GUCY1A2: variants seen among roughly 807,000 people sequenced by gnomAD.
GUCY1A2 encodes guanylate cyclase soluble subunit alpha-2.
GUCY1A2 carries 27 observed loss-of-function variants against 63.5 expected under a neutral mutation model. The observed-to-expected ratio is 0.43, with a 90% confidence interval of 0.31 to 0.59. The LOEUF (loss-of-function observed/expected upper bound fraction) is 0.59, where lower values mean the gene tolerates loss of function less well. GUCY1A2 is among the 20% of genes least tolerant of loss of function. The pLI, the probability that GUCY1A2 is intolerant of heterozygous loss-of-function variation, is 0.11. For missense variants in GUCY1A2, 768 were observed against 913.3 expected (o/e 0.84, Z 2.05); for synonymous variants, 364 against 343.5 (o/e 1.06, Z -0.66).
intron 4 of GUCY1A2, among the ~76,000 whole-genome samples, chr11:106,836,784 T>C (rs1312428179): frequency 6.6e-6 from 1 of 151,954 alleles, no homozygotes; most frequent in Admixed American, 6.6e-5. Context: ...ATGAAATTAT[T>C]GCAATAGTAC....
intron 3 of GUCY1A2, among the ~76,000 whole-genome samples, chr11:106,978,094 T>TG (rs1362830820): frequency 1.3e-5 from 2 of 152,230 alleles, no homozygotes; most frequent in African/African-American, 4.8e-5. Context: ...ACAGCCCCTC[T>TG]GTCATAAGTA....
intron 6 of GUCY1A2, among the ~76,000 whole-genome samples, chr11:106,738,003 G>C (rs1157654735): frequency 6.6e-6 from 1 of 152,148 alleles, no homozygotes; most frequent in Non-Finnish European, 1.5e-5. Context: ...CTAATTTACA[G>C]TCCCACCAAC....
intron 4 of GUCY1A2, among the ~76,000 whole-genome samples, chr11:106,885,279 C>T (rs1859882903): frequency 1.3e-5 from 2 of 152,128 alleles, no homozygotes; most frequent in Non-Finnish European, 2.9e-5. Flanking sequence ...TTGTAGACAA[C>T]TTTTGCATGT....
In GUCY1A2 at chr11:106,678,718, C is replaced by T. The variant is rs577123336; in HGVS notation, c.*8831G>A. The T allele has an allele frequency of 1.1e-4, 22 of 202,880 alleles. No homozygotes were observed. The highest frequency in any genetic ancestry group is 5.7e-4 in the South Asian group (3 of 5,242). The allele number at this position is 202,880 out of a possible 1,614,324, so 12.6% of individuals were successfully genotyped here. The stretch of plus-strand genomic sequence containing the variant: ...ATTTTATTCCGAGAAGTTTACAATG[C>T]GTTGTTCTATATTCTAATGTGAACA... On this transcript the variant is annotated 3_prime_UTR_variant, in exon 8 of 8. Coordinates refer to ENST00000526355, the MANE Select transcript of GUCY1A2 (RefSeq NM_000855.3).
chr11:106,933,745 A>G (rs1860637531), intron 4 of GUCY1A2, among the ~76,000 whole-genome samples: 1 of 152,212 alleles, frequency 6.6e-6, no homozygotes, highest in Non-Finnish European at 1.5e-5. Flanking sequence ...CATATATATC[A>G]TGGAATATTG....
chr11:106,782,020 T>C (rs186374499), intron 5 of GUCY1A2, among the ~76,000 whole-genome samples: 13 of 152,318 alleles, frequency 8.5e-5, no homozygotes, highest in Admixed American at 3.9e-4. Flanking sequence ...TGGGCACAGA[T>C]GGAAGAAAGA....
At chr11:106,872,353 C>G (rs547399676) in intron 4 of GUCY1A2, among the ~76,000 whole-genome samples, 10 of 152,106 alleles carry the variant, frequency 6.6e-5, no homozygotes, top group African/African-American at 2.2e-4. Flanking sequence ...CACTCATATT[C>G]CTACTTGCAG....
At chr11:106,737,762 T>G (rs1863617289) in intron 6 of GUCY1A2, among the ~76,000 whole-genome samples, 1 of 152,214 alleles carries the variant, frequency 6.6e-6, no homozygotes, top group South Asian at 2.1e-4. Context: ...TATTCCATGG[T>G]GTATGTGTCC....
intron 6 of GUCY1A2, among the ~76,000 whole-genome samples, chr11:106,744,550 A>AT (rs1016454531): frequency 3.3e-5 from 5 of 152,162 alleles, no homozygotes; most frequent in African/African-American, 4.8e-5. Context: ...TTGACCTTAC[A>AT]TTTTTTTGGA....
At chr11:106,813,720 C>T (rs1047447505) in intron 4 of GUCY1A2, among the ~76,000 whole-genome samples, 11 of 152,006 alleles carry the variant, frequency 7.2e-5, no homozygotes, top group African/African-American at 2.7e-4. Flanking sequence ...AACTGACCTA[C>T]GTTCAGTTCC....
intron 6 of GUCY1A2, among the ~76,000 whole-genome samples, chr11:106,755,865 A>G (rs1461655540): frequency 7.2e-5 from 11 of 152,094 alleles, no homozygotes; most frequent in Admixed American, 5.9e-4. Flanking sequence ...TATTAGGTCC[A>G]CTCGGTCCAC....
At position 106,683,935 on chromosome 11, in the gene GUCY1A2, C is replaced by T. The variant is rs1862476398; in HGVS notation, c.*3614G>A. The T allele has an allele frequency of 4.9e-6, 1 of 202,310 alleles. No homozygotes were observed. The highest frequency in any genetic ancestry group is 6.0e-5 in the Admixed American group (1 of 16,632). 12.5% of individuals were successfully genotyped at this position (202,310 alleles called of 1,614,324 possible). A position where few individuals can be genotyped will look rare whatever the true frequency, so the allele number is the denominator to read the frequency against. ...AGAGCCTGGTGGGGTTTTCAGAATT[C>T]TCCATGGCTTTGCCTTTTGTTATCT... On this transcript the variant is annotated 3_prime_UTR_variant, in exon 8 of 8. Transcript: ENST00000526355.
At chr11:107,009,452 C>A (rs1454048123) in intron 1 of GUCY1A2, among the ~76,000 whole-genome samples, 2 of 152,140 alleles carry the variant, frequency 1.3e-5, no homozygotes, top group African/African-American at 4.8e-5. Flanking sequence ...ACCCTCACAA[C>A]CACCCTTCTT....
At chr11:107,006,458 G>T (rs994410431) in intron 1 of GUCY1A2, among the ~76,000 whole-genome samples, 1 of 152,170 alleles carries the variant, frequency 6.6e-6, no homozygotes, top group Admixed American at 6.5e-5. Context: ...TTCTGTGCAT[G>T]TATATATACA....
At chr11:106,839,535 C>T (rs554144406) in intron 4 of GUCY1A2, among the ~76,000 whole-genome samples, 40 of 151,992 alleles carry the variant, frequency 2.6e-4, no homozygotes, top group African/African-American at 8.7e-4. Flanking sequence ...ATATAAATCA[C>T]GCTACTATAA....
chr11:106,782,261 T>A (rs1307913260), intron 5 of GUCY1A2, among the ~76,000 whole-genome samples: 1 of 152,118 alleles, frequency 6.6e-6, no homozygotes, highest in Non-Finnish European at 1.5e-5. Context: ...AGCAGCAAAT[T>A]AGAAAGTCTG....
chr11:106,829,700 T>C (rs1014489578), intron 4 of GUCY1A2, among the ~76,000 whole-genome samples: 1 of 152,262 alleles, frequency 6.6e-6, no homozygotes, highest in South Asian at 2.1e-4. Context: ...CAGTGTTTGG[T>C]TGGGGTGACT....
chr11:106,826,827 G>A (rs543165000), intron 4 of GUCY1A2: 154 of 1,608,360 alleles, frequency 9.6e-5, no homozygotes, highest in African/African-American at 9.3e-4. Context: ...AGATGTCACC[G>A]GCAGCATAGA....
chr11:106,908,431 T>A (rs1459086227), intron 4 of GUCY1A2, among the ~76,000 whole-genome samples: 1 of 151,984 alleles, frequency 6.6e-6, no homozygotes, highest in Non-Finnish European at 1.5e-5. Context: ...TATGTAAATG[T>A]GAAATGCATG....
Sources: gnomAD v4.1 joint callset for allele counts (sites outside exome capture counted in the v4.1 genomes callset) on GRCh38, gnomAD v4.1.1 for gene constraint, MANE v1.5 for transcripts, NCBI Gene and HGNC (gene_info 2026-07-23, HGNC 2026-07-21) for gene names.